Variants in ANKRD6 observed in about 807,000 individuals in gnomAD.
ANKRD6 encodes the protein ankyrin repeat domain-containing protein 6.
Under a neutral mutation model 82.3 loss-of-function variants are expected in ANKRD6, and 56 were observed. The observed-to-expected ratio is 0.68, with a 90% CI of 0.55 to 0.85. The LOEUF (loss-of-function observed/expected upper bound fraction) is 0.85. Among genes scored for constraint, ANKRD6 ranks in the 40% least tolerant of loss-of-function variants. The pLI, the probability that ANKRD6 is intolerant of heterozygous loss-of-function variation, is 0.00. For missense variants in ANKRD6, 852 were observed against 907.6 expected, an observed-to-expected ratio of 0.94 and a Z score of 0.79; for synonymous variants, 347 against 352.1, an observed-to-expected ratio of 0.99 and a Z score of 0.16.
rs143954108 is a variant in ANKRD6 at position 89,552,716 on chromosome 6, C to T, written c.-143-14118C>T. On this transcript the variant is annotated intron_variant, in intron 1 of 15. Transcript: ENST00000339746. ...TACTCCCTTGGGAGTAGCTCCCTAG[C>T]GTATTCTCCTAGCTACCCTATGAAG... 2.4e-3 allele frequency among the ~76,000 whole-genome samples: 361 copies of T among 152,238 alleles called. 1 individual carries two copies. Among genetic ancestry groups the T allele is most frequent in the African/African-American group, 8.3e-3 (343 of 41,546 alleles).
chr6:89,475,899 G>T (rs1004400736), intron 1 of ANKRD6, among the ~76,000 whole-genome samples: 20 of 152,214 alleles, frequency 1.3e-4, no homozygotes, highest in Non-Finnish European at 2.9e-5. Context: ...TGGGAAGCCT[G>T]ACAAACCTCA....
At chr6:89,552,933 G>C (rs1472751190) in intron 1 of ANKRD6, among the ~76,000 whole-genome samples, 2 of 152,204 alleles carry the variant, frequency 1.3e-5, no homozygotes. Flanking sequence ...AGGGGACCTA[G>C]CGGAGTCTTT....
chr6:89,532,877 A>ATTT (rs61548190), intron 1 of ANKRD6, among the ~76,000 whole-genome samples: 3 of 123,226 alleles, frequency 2.4e-5, no homozygotes, highest in African/African-American at 6.0e-5. Flanking sequence ...GATTTTTTGT[A>ATTT]TTTTTTTTTT....
At chr6:89,511,643 A>G (rs1010095598) in intron 1 of ANKRD6, among the ~76,000 whole-genome samples, 1 of 152,240 alleles carries the variant, frequency 6.6e-6, no homozygotes, top group Admixed American at 6.5e-5. Context: ...AGTTACATAG[A>G]ATAATGCATA....
intron 1 of ANKRD6, among the ~76,000 whole-genome samples, chr6:89,476,758 T>G (rs854868): frequency 6.6e-6 from 1 of 152,192 alleles, no homozygotes; most frequent in African/African-American, 2.4e-5. Context: ...ACATACAAAT[T>G]GTCCTGTAAC....
chr6:89,592,450 C>G (rs1023893426), intron 2 of ANKRD6, among the ~76,000 whole-genome samples: 1 of 152,138 alleles, frequency 6.6e-6, no homozygotes, highest in Non-Finnish European at 1.5e-5. Flanking sequence ...CCAAATGACA[C>G]AGGTGTTATT....
At chr6:89,485,285 G>A (rs775361212) in intron 1 of ANKRD6, among the ~76,000 whole-genome samples, 8 of 152,186 alleles carry the variant, frequency 5.3e-5, no homozygotes, top group Non-Finnish European at 8.8e-5. Flanking sequence ...AGCATTGAAC[G>A]CTATGTTTTC....
At chr6:89,543,645 T>C (rs1240049299) in intron 1 of ANKRD6, among the ~76,000 whole-genome samples, 2 of 152,218 alleles carry the variant, frequency 1.3e-5, no homozygotes, top group Non-Finnish European at 2.9e-5. Context: ...TCATATGAAC[T>C]GTGCGTGTGG....
intron 5 of ANKRD6, 118 bp downstream of exon 5, chr6:89,606,223 C>G (rs1227361166): frequency 1.4e-6 from 1 of 730,110 alleles, no homozygotes; most frequent in East Asian, 2.8e-5. Context: ...GCACGAGGAA[C>G]CTGAAGGTCC....
intron 1 of ANKRD6, among the ~76,000 whole-genome samples, chr6:89,449,656 C>G (rs1178687408): frequency 1.3e-5 from 2 of 152,194 alleles, no homozygotes; most frequent in Non-Finnish European, 2.9e-5. Context: ...ACCAATGAAC[C>G]TATGCCATCT....
chr6:89,533,720 G>A (rs1229460707), intron 1 of ANKRD6, among the ~76,000 whole-genome samples: 3 of 139,868 alleles, frequency 2.1e-5, no homozygotes, highest in Non-Finnish European at 4.6e-5. Flanking sequence ...GAGAGAGAGA[G>A]AAAATGAGTG....
intron 8 of ANKRD6, 75 bp from the exon 9 acceptor site, chr6:89,617,879 G>T: frequency 6.9e-7 from 1 of 1,445,504 alleles, no homozygotes. Flanking sequence ...CTCCTGGCCA[G>T]AGCTGTGCCA....
intron 1 of ANKRD6, among the ~76,000 whole-genome samples, chr6:89,541,506 C>T (rs531105058): frequency 3.4e-4 from 50 of 148,154 alleles, no homozygotes; most frequent in African/African-American, 1.2e-3. Flanking sequence ...GATTCTCCTG[C>T]CTCAGCCTCC....
intron 2 of ANKRD6, among the ~76,000 whole-genome samples, chr6:89,592,071 CAG>C (rs1041216296): frequency 6.6e-6 from 1 of 152,186 alleles, no homozygotes; most frequent in African/African-American, 2.4e-5. Flanking sequence ...AGAAGAGACA[CAG>C]AGACTGGGAA....
Position 89,567,529 on chromosome 6 carries a change from C to G in ANKRD6, c.120+433C>G, listed in dbSNP as rs140545315. Reference sequence around the variant, plus strand: ...CTGGACCAGATGACTGCTACAACCTCTATAGGCTTTGATTTCATGTGGGTC... The same window carrying G: ...CTGGACCAGATGACTGCTACAACCTGTATAGGCTTTGATTTCATGTGGGTC... On this transcript the variant is annotated intron_variant, in intron 2 of 15. Transcript: ENST00000339746. Among the ~76,000 whole-genome samples the G allele has an allele frequency of 6.6e-3, 1,004 of 152,260 alleles. 8 individuals carry two copies. Among genetic ancestry groups the G allele is most frequent in the Middle Eastern group, 0.048 (14 of 294 alleles).
intron 1 of ANKRD6, among the ~76,000 whole-genome samples, chr6:89,507,653 C>T (rs1033550853): frequency 1.3e-5 from 2 of 152,164 alleles, no homozygotes; most frequent in Non-Finnish European, 2.9e-5. Flanking sequence ...AATTCCTTGT[C>T]ATTCATGGGA....
intron 2 of ANKRD6, among the ~76,000 whole-genome samples, chr6:89,578,468 G>A (rs996986180): frequency 2.0e-5 from 3 of 151,826 alleles, no homozygotes; most frequent in Admixed American, 2.0e-4. Context: ...GCTAATTTTT[G>A]TATTTTTAGT....
At chr6:89,447,248 C>G (rs1485747828) in intron 1 of ANKRD6, among the ~76,000 whole-genome samples, 1 of 151,824 alleles carries the variant, frequency 6.6e-6, no homozygotes, top group Admixed American at 6.6e-5. Context: ...GAGTGAGACC[C>G]TGTCTCAAAA....
chr6:89,599,189 A>G (rs1227923788), intron 3 of ANKRD6, among the ~76,000 whole-genome samples: 4 of 152,138 alleles, frequency 2.6e-5, no homozygotes, highest in Non-Finnish European at 5.9e-5. Flanking sequence ...CCTGGGCAAC[A>G]TGGCAAAACT....
Sources: allele counts gnomAD v4.1 joint callset (sites outside exome capture counted in the v4.1 genomes callset), GRCh38; gene constraint gnomAD v4.1.1; transcripts MANE v1.5; gene names NCBI Gene and HGNC (gene_info 2026-07-23, HGNC 2026-07-21).